Variants in MOGAT1 observed in about 807,000 individuals in gnomAD.
MOGAT1 encodes the protein 2-acylglycerol O-acyltransferase 1.
Under a neutral mutation model 31.4 loss-of-function variants are expected in MOGAT1, and 32 were observed. The observed-to-expected ratio is 1.02, with a 90% CI of 0.77 to 1.37. The LOEUF is 1.37. Ranked by LOEUF, MOGAT1 falls within the 40% of genes most tolerant of loss-of-function variation. The pLI is 0.00. For missense variants in MOGAT1, 426 were observed against 402.0 expected (o/e 1.06, Z -0.51); for synonymous variants, 145 against 144.5 (o/e 1.00, Z -0.03).
intron 5 of MOGAT1, among the ~76,000 whole-genome samples, chr2:222,709,106 A>G (rs1175680265): frequency 6.6e-6 from 1 of 152,122 alleles, no homozygotes; most frequent in Non-Finnish European, 1.5e-5. Flanking sequence ...TGAGGTCAGG[A>G]GTTCAAGACC....
intron 1 of MOGAT1, among the ~76,000 whole-genome samples, chr2:222,679,627 A>G (rs1692549681): frequency 6.6e-6 from 1 of 152,234 alleles, no homozygotes; most frequent in South Asian, 2.1e-4. Flanking sequence ...CATTATTCAT[A>G]TTTCAGAAGT....
chr2:222,705,852 C>T (rs1692998414), intron 5 of MOGAT1, among the ~76,000 whole-genome samples: 2 of 152,162 alleles, frequency 1.3e-5, no homozygotes, highest in South Asian at 4.1e-4. Flanking sequence ...GGTTGTTTTC[C>T]ACTGCTAATA....
intron 5 of MOGAT1, among the ~76,000 whole-genome samples, chr2:222,703,374 T>G (rs1692956303): frequency 6.6e-6 from 1 of 152,178 alleles, no homozygotes. Flanking sequence ...AGTGCCCTTC[T>G]TGTACCTGAG....
chr2:222,706,804 G>A (rs1250634453), intron 5 of MOGAT1, among the ~76,000 whole-genome samples: 1 of 152,208 alleles, frequency 6.6e-6, no homozygotes, highest in Non-Finnish European at 1.5e-5. Flanking sequence ...AGATTTACAT[G>A]TAGATTTCTC....
At chr2:222,683,090 G>C (rs373955297) in intron 1 of MOGAT1, among the ~76,000 whole-genome samples, 16 of 151,956 alleles carry the variant, frequency 1.1e-4, no homozygotes, top group African/African-American at 3.9e-4. Flanking sequence ...TCTAGTCCCA[G>C]CTACTTGGGA....
At chr2:222,706,934 C>A (rs1237260266) in intron 5 of MOGAT1, among the ~76,000 whole-genome samples, 1 of 152,126 alleles carries the variant, frequency 6.6e-6, no homozygotes, top group African/African-American at 2.4e-5. Flanking sequence ...GTGGCTCACG[C>A]CGACCTAGCA....
Position 222,708,367 on chromosome 2 carries a change from A to G in MOGAT1, c.854-1369A>G, listed in dbSNP as rs193148611. On this transcript the variant is annotated intron_variant, in intron 5 of 5. Transcript: ENST00000446656. ...CCAAAGTGTTGGGATTACAGGCGTG[A>G]GACACTGCGCCCGGCCATCCTGTAC... Among the ~76,000 whole-genome samples, 560 of 152,300 alleles carry G rather than the reference A, an allele frequency of 3.7e-3. 3 individuals carry two copies. Among genetic ancestry groups the G allele is most frequent in the African/African-American group, 0.013 (528 of 41,568 alleles).
chr2:222,688,686 A>T (rs73993415), intron 2 of MOGAT1, among the ~76,000 whole-genome samples, 164 bp downstream of exon 2: 27,671 of 151,994 alleles, frequency 0.18, 3,819 homozygotes, highest in African/African-American at 0.39. Context: ...AAGAAAACAA[A>T]TTTTTTTCTC....
At position 222,701,326 on chromosome 2, in the gene MOGAT1, GAGAT is replaced by G. The variant is rs202232154; in HGVS notation, c.853+6040_853+6043del. On this transcript the variant is annotated intron_variant, in intron 5 of 5. Coordinates refer to ENST00000446656, the MANE Select transcript of MOGAT1 (RefSeq NM_058165.3). ...AGAGAGAGAGAGAGAGAGAGAGAGAGAGATAAAAGGAATTAAAGAGGGAAAGAAA... is the reference window on the plus strand; with the variant it reads ...AGAGAGAGAGAGAGAGAGAGAGAGAGAAAAGGAATTAAAGAGGGAAAGAAA... 6.4e-3 allele frequency among the ~76,000 whole-genome samples: 761 copies of G among 119,038 alleles called. 4 individuals are homozygous for G. Among genetic ancestry groups the G allele is most frequent in the African/African-American group, 0.014 (479 of 34,486 alleles). The allele number at this position is 119,038 out of a possible 152,430, so 78.1% of individuals were successfully genotyped here.
intron 5 of MOGAT1, among the ~76,000 whole-genome samples, chr2:222,695,805 G>A (rs1293025716): frequency 6.6e-6 from 1 of 152,010 alleles, no homozygotes; most frequent in Non-Finnish European, 1.5e-5. Flanking sequence ...AACAGGTGGT[G>A]TTTGGTCACA....
intron 1 of MOGAT1, among the ~76,000 whole-genome samples, chr2:222,680,057 G>T (rs1266539329): frequency 4.6e-5 from 7 of 152,174 alleles, no homozygotes; most frequent in Non-Finnish European, 1.0e-4. Flanking sequence ...AATGGAGGCT[G>T]CCCTGATTAA....
At position 222,695,023 on chromosome 2, in the gene MOGAT1, T is replaced by A. The variant is rs536953638; in HGVS notation, c.654-66T>A. On this transcript the variant is annotated intron_variant, in intron 4 of 5. Transcript: ENST00000446656. ...TTCAGAAGTTGTTGCAAGAGTCAGC[T>A]AAACAGAATAAATTATTTGAATCCT... The A allele has an allele frequency of 9.9e-6, 13 of 1,315,910 alleles. No individual in the cohort carries two copies. The East Asian group carries it at 3.2e-4, about 33-fold the overall frequency. The allele number at this position is 1,315,910 out of a possible 1,614,324, so 81.5% of individuals were successfully genotyped here. A position where few individuals can be genotyped will look rare whatever the true frequency, so the allele number is the denominator to read the frequency against.
At chr2:222,678,533 T>C (rs2106031662) in intron 1 of MOGAT1, among the ~76,000 whole-genome samples, 1 of 152,370 alleles carries the variant, frequency 6.6e-6, no homozygotes, top group South Asian at 2.1e-4. Flanking sequence ...AGTCTATGGA[T>C]TATCCTTTCA....
At chr2:222,678,620 T>G (rs189051891) in intron 1 of MOGAT1, among the ~76,000 whole-genome samples, 1 of 152,278 alleles carries the variant, frequency 6.6e-6, no homozygotes, top group African/African-American at 2.4e-5. Context: ...TTTAATAGAT[T>G]GTGTTGGGTG....
At chr2:222,694,292 A>G (rs1574974800) in intron 3 of MOGAT1, 70 bp from the exon 4 acceptor site, 1 of 1,354,216 alleles carries the variant, frequency 7.4e-7, no homozygotes, top group East Asian at 2.5e-5. Context: ...ATTGTCATGG[A>G]ATATTATGAT....
intron 5 of MOGAT1, among the ~76,000 whole-genome samples, chr2:222,702,981 G>A (rs1390717419): frequency 6.6e-6 from 1 of 152,188 alleles, no homozygotes; most frequent in African/African-American, 2.4e-5. Context: ...CAAACATGGT[G>A]TTGTAGCGGA....
At chr2:222,677,511 T>C (rs747213897) in intron 1 of MOGAT1, among the ~76,000 whole-genome samples, 3 of 152,222 alleles carry the variant, frequency 2.0e-5, no homozygotes, top group Non-Finnish European at 2.9e-5. Context: ...AAATGACTGT[T>C]ATATTAGCTT....
Position 222,671,861 on chromosome 2 carries a change from C to G in MOGAT1, c.76C>G (p.Leu26Val). The change falls in exon 1 of 6, where the codon CTG becomes GTG. Residue 26 changes from leucine to valine, a missense_variant. By Grantham distance (32) the Leu-to-Val change is conservative. Transcript: ENST00000446656. ...LQTVAVLQWV[L>V]KYLLLGPMSI... ...GACGGTGGCCGTGCTGCAGTGGGTCCTGAAATACCTGCTGCTCGGTAAGGA... is the reference window on the plus strand; with the variant it reads ...GACGGTGGCCGTGCTGCAGTGGGTCGTGAAATACCTGCTGCTCGGTAAGGA... 6.4e-7 allele frequency: 1 copy of G among 1,551,652 alleles called. No individual in the cohort carries two copies. Among genetic ancestry groups the G allele is most frequent in the Non-Finnish European group, 8.7e-7 (1 of 1,147,196 alleles).
chr2:222,683,242 T>A (rs1043993613), intron 1 of MOGAT1, among the ~76,000 whole-genome samples: 1 of 150,976 alleles, frequency 6.6e-6, no homozygotes, highest in South Asian at 2.1e-4. Flanking sequence ...AGATTGGTAA[T>A]TGCCAGTGGT....
Sources: allele counts gnomAD v4.1 joint callset (sites outside exome capture counted in the v4.1 genomes callset), GRCh38; gene constraint gnomAD v4.1.1; transcripts MANE v1.5; gene names NCBI Gene and HGNC (gene_info 2026-07-23, HGNC 2026-07-21).